ZNF536: variants seen among roughly 807,000 people sequenced by gnomAD.
The protein encoded by ZNF536 is zinc finger protein 536.
Under a neutral mutation model 84.5 loss-of-function variants are expected in ZNF536, and 13 were observed. The observed-to-expected ratio is 0.15, with a 90% confidence interval of 0.10 to 0.24. The LOEUF (loss-of-function observed/expected upper bound fraction) is 0.24. Ranked by LOEUF, ZNF536 falls within the 10% of genes least tolerant of loss-of-function variation. The pLI, the probability that ZNF536 is intolerant of heterozygous loss-of-function variation, is 1.00. For synonymous variants in ZNF536, 811 were observed against 742.5 expected (o/e 1.09, Z -1.50); for missense variants, 1,536 against 1,747.5 (o/e 0.88, Z 2.16).
intron 2 of ZNF536, among the ~76,000 whole-genome samples, chr19:30,517,390 G>T (rs1243435360): frequency 1.3e-5 from 2 of 152,170 alleles, no homozygotes; most frequent in Non-Finnish European, 2.9e-5. Flanking sequence ...GATGCCTGCA[G>T]GGTGGGGGCC....
chr19:30,605,173 T>C (rs958831085), intron 1 of ZNF536, among the ~76,000 whole-genome samples: 1 of 152,180 alleles, frequency 6.6e-6, no homozygotes, highest in African/African-American at 2.4e-5. Context: ...ATGCTTTTTT[T>C]GTTTGTTTTC....
In ZNF536 at chr19:30,557,864, A is replaced by T. The variant is rs2146383502; in HGVS notation, c.*700A>T. On this transcript the variant is annotated 3_prime_UTR_variant, in exon 5 of 5. Coordinates refer to ENST00000355537, the MANE Select transcript of ZNF536 (RefSeq NM_014717.3). Reference sequence around the variant, plus strand: ...GTTGAAGTAATTAGAAGATATATTAAGGTGTTCCTGGTAATGAAGGCATGT... The same window carrying T: ...GTTGAAGTAATTAGAAGATATATTATGGTGTTCCTGGTAATGAAGGCATGT... 6.5e-6 allele frequency: 1 copy of T among 152,726 alleles called. No individual in the cohort carries two copies. Among genetic ancestry groups the T allele is most frequent in the South Asian group, 2.1e-4 (1 of 4,826 alleles). The allele number at this position is 152,726 out of a possible 1,614,324, so 9.5% of individuals were successfully genotyped here.
chr19:30,335,386 C>T (rs1420136198), intron 2 of ZNF536, among the ~76,000 whole-genome samples: 1 of 152,164 alleles, frequency 6.6e-6, no homozygotes, highest in Non-Finnish European at 1.5e-5. Context: ...CCACCACAGC[C>T]ACCCCCAGCC....
In ZNF536 at chr19:30,606,760, T is replaced by G. The variant is rs776286026; in HGVS notation, c.169+57246T>G. 6.1e-4 allele frequency among the ~76,000 whole-genome samples: 93 copies of G among 152,192 alleles called. No homozygotes were observed. In the Middle Eastern group the frequency reaches 0.01, roughly 17 times the overall value. ...TGCAGACCCATCCTGTGGATTTCAATCCAGCAGGGGCCCTGTCCAGCTGTG... is the reference window on the plus strand; with the variant it reads ...TGCAGACCCATCCTGTGGATTTCAAGCCAGCAGGGGCCCTGTCCAGCTGTG... On this transcript the variant is annotated intron_variant, in intron 1 of 1. Transcript: ENST00000592773.
intron 2 of ZNF536, among the ~76,000 whole-genome samples, chr19:30,512,618 T>TG (rs1344802254): frequency 1.3e-5 from 2 of 149,732 alleles, no homozygotes; most frequent in Non-Finnish European, 3.0e-5. Context: ...TAAACCATTT[T>TG]GAAAAAAAAA....
chr19:30,628,871 ATTG>A (rs929529354), intron 1 of ZNF536, among the ~76,000 whole-genome samples: 7 of 151,884 alleles, frequency 4.6e-5, no homozygotes, highest in Non-Finnish European at 8.8e-5. Context: ...TGCCTGGCTA[ATTG>A]TTGTATTTTT....
chr19:30,628,176 G>A (rs1001312306), intron 1 of ZNF536, among the ~76,000 whole-genome samples: 1 of 152,308 alleles, frequency 6.6e-6, no homozygotes, highest in African/African-American at 2.4e-5. Context: ...GAAATGATCC[G>A]AGCTGGCTGT....
chr19:30,684,809 G>A (rs2051108506), intron 1 of ZNF536, among the ~76,000 whole-genome samples: 2 of 152,198 alleles, frequency 1.3e-5, no homozygotes. Flanking sequence ...GGCGGGACAT[G>A]GGCAGCGGTC....
In ZNF536 at chr19:30,517,695, T is replaced by C. The variant is rs556984727; in HGVS notation, c.2171-17152T>C. 3.9e-5 allele frequency among the ~76,000 whole-genome samples: 6 copies of C among 152,198 alleles called. No individual in the cohort carries two copies. The East Asian group carries it at 1.2e-3, about 29-fold the overall frequency. ...TACTTGGGAGGCTGACACGGGAGGA[T>C]TGTTGGAGCCCAGGAGGTCGAGGCT... On this transcript the variant is annotated intron_variant, in intron 2 of 4. Transcript: ENST00000355537.
intron 1 of ZNF536, among the ~76,000 whole-genome samples, chr19:30,615,188 G>C (rs187023595): frequency 0.013 from 1,962 of 149,304 alleles, 50 homozygotes; most frequent in African/African-American, 0.046. Context: ...CTCGTGATCC[G>C]CCCGTCTCGG....
chr19:30,411,925 A>G (rs2050511976), intron 1 of ZNF536, among the ~76,000 whole-genome samples: 1 of 152,026 alleles, frequency 6.6e-6, no homozygotes, highest in African/African-American at 2.4e-5. Flanking sequence ...GTATAGTTCT[A>G]TTCAGGTCTT....
At position 30,549,507 on chromosome 19, in the gene ZNF536, C is replaced by T. The variant is rs367863662; in HGVS notation, c.3888C>T (p.Asp1296=). Residue 1296 remains aspartate, a synonymous_variant, in exon 4 of 5, where the codon GAC becomes GAT. Coordinates refer to ENST00000355537, the MANE Select transcript of ZNF536 (RefSeq NM_014717.3). ...TANSGCIKRP[D]LCGK Reference sequence around the variant, plus strand: ...ATTCTGGATGTATCAAGAGGCCAGACTTGTGTGGTAAGTTTTAGAATCCTC... The same window carrying T: ...ATTCTGGATGTATCAAGAGGCCAGATTTGTGTGGTAAGTTTTAGAATCCTC... 12 of 1,509,636 alleles carry T rather than the reference C, an allele frequency of 7.9e-6. No individual in the cohort carries two copies. The highest frequency in any genetic ancestry group is 2.7e-5 in the South Asian group (2 of 73,774). The allele number at this position is 1,509,636 out of a possible 1,614,324, so 93.5% of individuals were successfully genotyped here.
intron 2 of ZNF536, among the ~76,000 whole-genome samples, chr19:30,303,015 A>G (rs2046235545): frequency 6.6e-6 from 1 of 152,222 alleles, no homozygotes; most frequent in Non-Finnish European, 1.5e-5. Context: ...TAGAATATCA[A>G]TGTAAGAAAA....
chr19:30,326,031 G>A (rs930934236), intron 2 of ZNF536, among the ~76,000 whole-genome samples: 3 of 152,240 alleles, frequency 2.0e-5, no homozygotes, highest in Non-Finnish European at 4.4e-5. Context: ...GAAGTCATGA[G>A]TGTAAGTTTA....
chr19:30,375,154 G>A (rs1325853652), intron 1 of ZNF536, among the ~76,000 whole-genome samples: 2 of 150,170 alleles, frequency 1.3e-5, no homozygotes, highest in African/African-American at 4.9e-5. Context: ...GTGCAGGAAC[G>A]CGAGCCCCGC....
chr19:30,274,447 T>C (rs763992063), intron 1 of ZNF536, among the ~76,000 whole-genome samples: 2 of 152,246 alleles, frequency 1.3e-5, no homozygotes, highest in Non-Finnish European at 2.9e-5. Context: ...AGAATATTAA[T>C]GAGACATTTT....
intron 2 of ZNF536, among the ~76,000 whole-genome samples, chr19:30,336,655 G>T (rs1227453990): frequency 1.3e-5 from 2 of 152,148 alleles, no homozygotes; most frequent in Non-Finnish European, 2.9e-5. Context: ...TAGGACCAGA[G>T]AGGGAAGGTG....
intron 1 of ZNF536, among the ~76,000 whole-genome samples, chr19:30,569,850 A>C (rs1003885518): frequency 2.0e-5 from 3 of 151,956 alleles, no homozygotes; most frequent in Admixed American, 1.3e-4. Context: ...GGGATTACAG[A>C]GCCACTGTAC....
chr19:30,627,292 C>T (rs2048715417), intron 1 of ZNF536, among the ~76,000 whole-genome samples: 1 of 150,988 alleles, frequency 6.6e-6, no homozygotes, highest in South Asian at 2.1e-4. Context: ...GTAGGGAGAC[C>T]CCATCTCTAC....
Sources: gnomAD v4.1 joint callset for allele counts (sites outside exome capture counted in the v4.1 genomes callset) on GRCh38, gnomAD v4.1.1 for gene constraint, MANE v1.5 for transcripts, NCBI Gene and HGNC (gene_info 2026-07-23, HGNC 2026-07-21) for gene names.